SETDB1: variants seen among roughly 807,000 people sequenced by gnomAD.
The protein encoded by SETDB1 is SET domain bifurcated histone lysine methyltransferase 1.
In SETDB1, 31 loss-of-function variants were observed where a neutral mutation model predicts 137.4. The ratio of observed to expected loss-of-function variants is 0.23; its 90% CI spans 0.17 to 0.30. The LOEUF (loss-of-function observed/expected upper bound fraction) is 0.30. SETDB1 is among the 10% of genes least tolerant of loss of function. The probability of loss-of-function intolerance (pLI) is 1.00; values close to 1 mark genes in which losing one functional copy is unlikely to be tolerated. For missense variants in SETDB1, 1,113 were observed against 1,631.5 expected, an observed-to-expected ratio of 0.68 and a Z score of 5.47; for synonymous variants, 548 against 579.9, an observed-to-expected ratio of 0.95 and a Z score of 0.79.
intron 3 of SETDB1, among the ~76,000 whole-genome samples, chr1:150,931,213 T>C (rs1669724622): frequency 7.0e-6 from 1 of 143,166 alleles, no homozygotes; most frequent in Admixed American, 7.6e-5. Flanking sequence ...TGAGCTGTGA[T>C]TGTGCCACTG....
At chr1:150,940,290 G>A (rs1030730691) in intron 4 of SETDB1, among the ~76,000 whole-genome samples, 2 of 152,110 alleles carry the variant, frequency 1.3e-5, no homozygotes, top group Admixed American at 6.6e-5. Context: ...TTTGGGCTGG[G>A]CACATTGGCT....
Position 150,964,066 on chromosome 1 carries a change from G to A in SETDB1, c.3744G>A (p.Val1248=). 6.2e-7 allele frequency: 1 copy of A among 1,613,974 alleles called. No homozygotes were observed. The highest frequency in any genetic ancestry group is 1.1e-5 in the South Asian group (1 of 91,082). Residue 1248 remains valine, a synonymous_variant, in exon 21 of 22, where the codon GTG becomes GTA. Transcript: ENST00000692827. ...CCCATGATCTTCGCTTCCCCTGGGT[G>A]GCCTTCTTTGCCAGCAAGTAAGGAG... ...VDTHDLRFPW[V]AFFASKRIRA...
intron 8 of SETDB1, 31 bp downstream of exon 8, chr1:150,944,024 G>A (rs772767942): frequency 4.9e-6 from 7 of 1,414,278 alleles, no homozygotes; most frequent in Non-Finnish European, 7.0e-6. Context: ...CCTTAGCTCA[G>A]TTTTCTCCTC....
At chr1:150,938,316 G>A (rs2102674289) in intron 3 of SETDB1, among the ~76,000 whole-genome samples, 1 of 152,104 alleles carries the variant, frequency 6.6e-6, no homozygotes, top group East Asian at 1.9e-4. Flanking sequence ...TATATGAGAT[G>A]TTCAGAATAG....
chr1:150,956,426 GA>G (rs1313683909), intron 14 of SETDB1, among the ~76,000 whole-genome samples: 1 of 151,636 alleles, frequency 6.6e-6, no homozygotes. Flanking sequence ...TTTGTGGAAT[GA>G]ATGAATGATA....
chr1:150,940,100 G>T, intron 4 of SETDB1, 126 bp downstream of exon 4: 1 of 602,614 alleles, frequency 1.7e-6, no homozygotes, highest in Non-Finnish European at 3.0e-6. Context: ...AGCCCTTTGC[G>T]TTGCAGTCCT....
chr1:150,939,514 G>A (rs761589932), intron 3 of SETDB1, among the ~76,000 whole-genome samples: 75 of 150,280 alleles, frequency 5.0e-4, no homozygotes, highest in African/African-American at 1.6e-3. Flanking sequence ...TAGTAGAAAC[G>A]GGGTTTCACC....
At chr1:150,960,300 G>A (rs2462511) in intron 15 of SETDB1, among the ~76,000 whole-genome samples, 1 of 151,136 alleles carries the variant, frequency 6.6e-6, no homozygotes. Context: ...ATGGTGAAAC[G>A]CCATCTCTAC....
chr1:150,941,964 ACT>A (rs1297148249), intron 5 of SETDB1, among the ~76,000 whole-genome samples: 1 of 151,128 alleles, frequency 6.6e-6, no homozygotes, highest in East Asian at 1.9e-4. Flanking sequence ...ACATGGTGAA[ACT>A]CTGTCTCTAT....
intron 9 of SETDB1, among the ~76,000 whole-genome samples, chr1:150,946,640 G>A (rs1159846228): frequency 6.6e-6 from 1 of 152,050 alleles, no homozygotes; most frequent in Non-Finnish European, 1.5e-5. Context: ...TAGAGACGGG[G>A]TTTCTCCATG....
intron 14 of SETDB1, among the ~76,000 whole-genome samples, chr1:150,956,101 A>G (rs1670631779): frequency 6.7e-6 from 1 of 150,294 alleles, no homozygotes; most frequent in Non-Finnish European, 1.5e-5. Flanking sequence ...CAAAAAAAAA[A>G]AAAAAGCCAA....
chr1:150,963,278 C>T, intron 19 of SETDB1, 139 bp downstream of exon 19: 2 of 804,460 alleles, frequency 2.5e-6, no homozygotes, highest in South Asian at 1.8e-5. Context: ...GGCTTTCTGA[C>T]TCCAAGCTAA....
upstream of SETDB1, chr1:150,926,288 C>T (rs1433863426): frequency 1.1e-5 from 2 of 189,980 alleles, 1 homozygote; most frequent in African/African-American, 4.8e-5. Flanking sequence ...TGAGGGGCGC[C>T]CCGCGGCTTT....
At chr1:150,954,378 A>G (rs1482734372) in intron 14 of SETDB1, among the ~76,000 whole-genome samples, 3 of 152,214 alleles carry the variant, frequency 2.0e-5, no homozygotes, top group Non-Finnish European at 4.4e-5. Flanking sequence ...AAACTGGTAT[A>G]TATAAACACG....
At chr1:150,951,128 C>G in intron 13 of SETDB1, 38 bp downstream of exon 13, 4 of 1,578,228 alleles carry the variant, frequency 2.5e-6, no homozygotes, top group East Asian at 2.2e-5. Flanking sequence ...CTGCTTCCAA[C>G]TTTGTTATGG....
At chr1:150,935,325 G>C (rs1571628815) in intron 3 of SETDB1, among the ~76,000 whole-genome samples, 1 of 152,062 alleles carries the variant, frequency 6.6e-6, no homozygotes, top group East Asian at 1.9e-4. Context: ...ATGTATCCAA[G>C]TTCTTTCTTA....
At position 150,951,407 on chromosome 1, in the gene SETDB1, C is replaced by T; in HGVS notation, c.2259C>T (p.Ala753=). 5.0e-6 allele frequency: 8 copies of T among 1,613,912 alleles called. No individual in the cohort carries two copies. The highest frequency in any genetic ancestry group is 6.8e-6 in the Non-Finnish European group (8 of 1,179,778). ...ATCAACTAACTATCCAGGCTACAGC[C>T]TGTACCCCAGGAGGCCAAATCAACC... ...ACHQLTIQAT[A]CTPGGQINPN... Residue 753 remains alanine (A), a synonymous_variant, in exon 14 of 22, where the codon GCC becomes GCT. Transcript: ENST00000692827.
intron 14 of SETDB1, among the ~76,000 whole-genome samples, chr1:150,957,145 A>G (rs1302854395): frequency 1.3e-5 from 2 of 151,708 alleles, no homozygotes; most frequent in African/African-American, 2.4e-5. Flanking sequence ...AGGTCGAAGC[A>G]GGTGGATCAC....
At position 150,949,261 on chromosome 1, in the gene SETDB1, C is replaced by G. The variant is rs113296072; in HGVS notation, c.1407C>G (p.Pro469=). Residue 469 remains proline, a synonymous_variant, in exon 11 of 22, where the codon CCC becomes CCG. Coordinates refer to ENST00000692827, the MANE Select transcript of SETDB1 (RefSeq NM_001366418.1). ...PPFPPAPPLS[P]QAGDSESLES... is the part of the protein sequence containing the mutation. The stretch of plus-strand genomic sequence containing the variant: ...TCCCACCTGCTCCACCTCTATCCCC[C>G]CAAGCAGGTGACAGTGAGTGAGTGT... 360 of 1,613,832 alleles carry G rather than the reference C, an allele frequency of 2.2e-4. No homozygotes were observed. The African/African-American group carries it at 4.3e-3, about 19-fold the overall frequency.
Sources: allele counts gnomAD v4.1 joint callset (sites outside exome capture counted in the v4.1 genomes callset), GRCh38; gene constraint gnomAD v4.1.1; transcripts MANE v1.5; gene names NCBI Gene and HGNC (gene_info 2026-07-23, HGNC 2026-07-21).